Variants in ZKSCAN2 observed in about 807,000 individuals in gnomAD.
The protein encoded by ZKSCAN2 is zinc finger protein with KRAB and SCAN domains 2.
ZKSCAN2 carries 38 observed loss-of-function variants against 90.5 expected under a neutral mutation model. That is an observed-to-expected ratio of 0.42 (90% CI 0.32 to 0.55). The LOEUF (loss-of-function observed/expected upper bound fraction) is 0.55. Ranked by LOEUF, ZKSCAN2 falls within the 20% of genes least tolerant of loss-of-function variation. The pLI is 0.11. For synonymous variants in ZKSCAN2, 429 were observed against 421.6 expected, an observed-to-expected ratio of 1.02 and a Z score of -0.22; for missense variants, 1,167 against 1,202.6, an observed-to-expected ratio of 0.97 and a Z score of 0.44.
At position 25,257,662 on chromosome 16, in the gene ZKSCAN2, C is replaced by G; in HGVS notation, c.-535G>C. 4.0e-6 allele frequency: 1 copy of G among 252,026 alleles called. No individual in the cohort carries two copies. The highest frequency in any genetic ancestry group is 6.3e-6 in the Non-Finnish European group (1 of 159,688). 15.6% of individuals were successfully genotyped at this position (252,026 alleles called of 1,614,324 possible). The stretch of plus-strand genomic sequence containing the variant: ...CGGATTCCGAGAGCGGCGCCGGGCT[C>G]TTTCGGGCCCACGACGGCCCCGACC... On this transcript the variant is annotated 5_prime_UTR_variant, in exon 1 of 7. Transcript: ENST00000328086.
intron 2 of ZKSCAN2, among the ~76,000 whole-genome samples, chr16:25,254,137 A>C (rs566101490): frequency 6.6e-6 from 1 of 152,388 alleles, no homozygotes; most frequent in East Asian, 1.9e-4. Context: ...TCTGTCTCTA[A>C]AGCCTAAGCT....
In ZKSCAN2 at chr16:25,256,955, C is replaced by G; in HGVS notation, c.173G>C (p.Gly58Ala). Residue 58 changes from glycine to alanine, a missense_variant, in exon 1 of 7, where the codon GGA becomes GCA. Gly to Ala is a moderately conservative substitution (Grantham distance 60, BLOSUM62 0). Coordinates refer to ENST00000328086, the MANE Select transcript of ZKSCAN2 (RefSeq NM_001012981.5). ...FRQFCYEDVTGPHEAFSKLWE... is the reference protein window; with the variant it reads ...FRQFCYEDVTAPHEAFSKLWE... ...GAGTTTACTGAAAGCTTCATGGGGT[C>G]CAGTCACATCCTCATAACAGAATTG... 1 of 1,614,250 alleles carries G rather than the reference C, an allele frequency of 6.2e-7. No homozygotes were observed. The highest frequency in any genetic ancestry group is 8.5e-7 in the Non-Finnish European group (1 of 1,180,046).
Position 25,238,359 on chromosome 16 carries a change from C to T in ZKSCAN2, c.*1457G>A, listed in dbSNP as rs1962799696. The T allele has an allele frequency of 6.6e-6, 1 of 152,252 alleles. No homozygotes were observed. Among genetic ancestry groups the T allele is most frequent in the African/African-American group, 2.4e-5 (1 of 41,444 alleles). 9.4% of individuals were successfully genotyped at this position (152,252 alleles called of 1,614,324 possible). A position where few individuals can be genotyped will look rare whatever the true frequency, so the allele number is the denominator to read the frequency against. ...CACCTACATACTAAGGGAATAAACG[C>T]CACTGACTCCATCCTGAAGCAACTG... On this transcript the variant is annotated 3_prime_UTR_variant, in exon 7 of 7. Transcript: ENST00000328086.
Position 25,257,451 on chromosome 16 carries a change from T to C in ZKSCAN2, c.-324A>G, listed in dbSNP as rs1963125476. On this transcript the variant is annotated 5_prime_UTR_variant, in exon 1 of 7. Transcript: ENST00000328086. The stretch of plus-strand genomic sequence containing the variant: ...CGACTGGGAGAAAAATGAAGCAGGC[T>C]GAGGAAAGGCTGGGCGGAGGCGGAC... The C allele has an allele frequency of 2.9e-6, 3 of 1,049,332 alleles. No individual in the cohort carries two copies. Among genetic ancestry groups the C allele is most frequent in the Non-Finnish European group, 3.4e-6 (3 of 872,924 alleles). The allele number at this position is 1,049,332 out of a possible 1,614,324, so 65.0% of individuals were successfully genotyped here. A position where few individuals can be genotyped will look rare whatever the true frequency, so the allele number is the denominator to read the frequency against.
intron 2 of ZKSCAN2, 74 bp from the exon 3 acceptor site, chr16:25,253,111 G>GAGAC: frequency 8.6e-7 from 1 of 1,156,866 alleles, no homozygotes; most frequent in Non-Finnish European, 1.3e-6. Context: ...CTTTTTAAGA[G>GAGAC]ATGAGTATGT....
intron 5 of ZKSCAN2, among the ~76,000 whole-genome samples, chr16:25,244,725 CT>C (rs1962908682): frequency 6.6e-6 from 1 of 152,214 alleles, no homozygotes; most frequent in Non-Finnish European, 1.5e-5. Context: ...CCAATAGGAA[CT>C]TTCCCCCTCA....
chr16:25,248,282 C>CAAA (rs55673563), intron 4 of ZKSCAN2, among the ~76,000 whole-genome samples: 121 of 22,946 alleles, frequency 5.3e-3, no homozygotes, highest in East Asian at 6.8e-3. Context: ...TTCTATACAG[C>CAAA]AAAAAAAAAA....
intron 2 of ZKSCAN2, among the ~76,000 whole-genome samples, chr16:25,253,845 T>C (rs1317855871): frequency 6.6e-6 from 1 of 151,890 alleles, no homozygotes; most frequent in Non-Finnish European, 1.5e-5. Flanking sequence ...CCATCTCTAC[T>C]AAAAATACAA....
chr16:25,240,657 T>C lies in ZKSCAN2; in HGVS notation c.2063A>G (p.Glu688Gly), dbSNP rs140318360. ...KDMEQHRALIEKSKRVVSQST... is the reference protein window; with the variant it reads ...KDMEQHRALIGKSKRVVSQST... ...CTGGGAAACAACTCTTTTAGACTTTTCTATTAATGCCCTATGCTGTTCCAT... is the reference window on the plus strand; with the variant it reads ...CTGGGAAACAACTCTTTTAGACTTTCCTATTAATGCCCTATGCTGTTCCAT... Residue 688 changes from glutamate to glycine, a missense_variant, in exon 7 of 7, where the codon GAA becomes GGA. Physicochemically the swap from Glu to Gly is moderately conservative, Grantham distance 98 (BLOSUM62 -2). Transcript: ENST00000328086. The C allele has an allele frequency of 9.9e-6, 16 of 1,614,218 alleles. No individual in the cohort carries two copies. The African/African-American group carries it at 2.0e-4, about 20-fold the overall frequency.
chr16:25,251,985 A>G lies in ZKSCAN2; in HGVS notation c.729T>C (p.Ser243=), dbSNP rs1242355526. ...HVARGFSYRK[S]VHQIPAQRDL... The stretch of plus-strand genomic sequence containing the variant: ...CCCTTTGGGCAGGAATCTGATGCAC[A>G]CTCTTTCTGTAGGAAAAGCCTCTGG... Residue 243 remains serine, a synonymous_variant, in exon 4 of 7, where the codon AGT becomes AGC. Coordinates refer to ENST00000328086, the MANE Select transcript of ZKSCAN2 (RefSeq NM_001012981.5). 6.2e-7 allele frequency: 1 copy of G among 1,613,908 alleles called. No homozygotes were observed. Among genetic ancestry groups the G allele is most frequent in the East Asian group, 2.2e-5 (1 of 44,882 alleles).
Position 25,247,237 on chromosome 16 carries a change from C to T in ZKSCAN2, c.959G>A (p.Ser320Asn), listed in dbSNP as rs558961917. The change falls in exon 5 of 7, where the codon AGT (serine) becomes AAT (asparagine). Residue 320 changes from serine to asparagine, a missense_variant. Physicochemically the swap from Ser to Asn is conservative, Grantham distance 46. Coordinates refer to ENST00000328086, the MANE Select transcript of ZKSCAN2 (RefSeq NM_001012981.5). ...CTGCTCTCTCCATGTTTTTCCTGCACTCCTTGCAGGGACCTGAATAGCATG... is the reference window on the plus strand; with the variant it reads ...CTGCTCTCTCCATGTTTTTCCTGCATTCCTTGCAGGGACCTGAATAGCATG... ...SVHAIQVPARSAGKTWREQQQ... is the reference protein window; with the variant it reads ...SVHAIQVPARNAGKTWREQQQ... The T allele has an allele frequency of 2.3e-5, 37 of 1,614,212 alleles. No individual in the cohort carries two copies. In the South Asian group the frequency reaches 3.4e-4, roughly 15 times the overall value.
Position 25,239,885 on chromosome 16 carries a change from G to A in ZKSCAN2, c.2835C>T (p.His945=). Reference sequence around the variant, plus strand: ...TCTCAGGGCAATACAGAGATGGAGGGTGTGGCAGAGGCTTTTCTCTCACAT... The same window carrying A: ...TCTCAGGGCAATACAGAGATGGAGGATGTGGCAGAGGCTTTTCTCTCACAT... The part of the protein sequence containing the change: ...EVHVREKPLP[H]PPSLYCPENP... Residue 945 remains histidine, a synonymous_variant, in exon 7 of 7, where the codon CAC becomes CAT. Transcript: ENST00000328086. 6.2e-7 allele frequency: 1 copy of A among 1,614,078 alleles called. No individual in the cohort carries two copies. Among genetic ancestry groups the A allele is most frequent in the Non-Finnish European group, 8.5e-7 (1 of 1,180,004 alleles).
chr16:25,241,857 A>T (rs1285341675), intron 6 of ZKSCAN2, among the ~76,000 whole-genome samples: 1 of 152,136 alleles, frequency 6.6e-6, no homozygotes, highest in South Asian at 2.1e-4. Flanking sequence ...CTAGACACTT[A>T]AGTAAAAAGC....
chr16:25,244,344 A>G (rs1359526943), intron 5 of ZKSCAN2, 68 bp from the exon 6 acceptor site: 18 of 1,502,764 alleles, frequency 1.2e-5, no homozygotes, highest in East Asian at 2.3e-5. Context: ...TACTATATAC[A>G]TTAAGAAATG....
chr16:25,248,364 T>C (rs528640295), intron 4 of ZKSCAN2, among the ~76,000 whole-genome samples: 3 of 88,424 alleles, frequency 3.4e-5, no homozygotes, highest in African/African-American at 1.3e-4. Context: ...ATCTATGGAA[T>C]AGAAAAAAAG....
rs778745590 is a variant in ZKSCAN2 at position 25,243,948 on chromosome 16, T to C, written c.1818A>G (p.Arg606=). 18 of 1,614,150 alleles carry C rather than the reference T, an allele frequency of 1.1e-5. No individual in the cohort carries two copies. The highest frequency in any genetic ancestry group is 1.1e-4 in the South Asian group (10 of 91,082). ...EEVPSPSRQE[R]GGIEVEPQEP... ...CCTGGGGTTCAACCTCAATACCCCC[T>C]CTTTCTTGCCTTGAAGGTGATGGGA... The change falls in exon 6 of 7, where the codon AGA becomes AGG. Residue 606 remains arginine (R), a synonymous_variant. Coordinates refer to ENST00000328086, the MANE Select transcript of ZKSCAN2 (RefSeq NM_001012981.5).
Position 25,257,695 on chromosome 16 carries a change from G to C in ZKSCAN2, c.-568C>G, listed in dbSNP as rs1189952043. ...CCCACGACGGCCCCGACCGTCCTGA[G>C]GAAACCGCTGCCGCCGAGGAAAGGC... On this transcript the variant is annotated 5_prime_UTR_variant, in exon 1 of 7. Coordinates refer to ENST00000328086, the MANE Select transcript of ZKSCAN2 (RefSeq NM_001012981.5). 1 of 169,326 alleles carries C rather than the reference G, an allele frequency of 5.9e-6. No homozygotes were observed. The highest frequency in any genetic ancestry group is 2.4e-5 in the African/African-American group (1 of 41,696). The allele number at this position is 169,326 out of a possible 1,614,324, so 10.5% of individuals were successfully genotyped here. A position where few individuals can be genotyped will look rare whatever the true frequency, so the allele number is the denominator to read the frequency against.
intron 6 of ZKSCAN2, 26 bp downstream of exon 6, chr16:25,243,759 T>TAAAACTCCTTGGTCTTGCACC: frequency 6.4e-7 from 1 of 1,558,624 alleles, no homozygotes; most frequent in Non-Finnish European, 8.6e-7. Flanking sequence ...TCTTTTGGAC[T>TAAAACTCCTTGGTCTTGCACC]AAAACTCCTT....
Position 25,247,003 on chromosome 16 carries a change from T to C in ZKSCAN2, c.1193A>G (p.Lys398Arg). The C allele has an allele frequency of 6.2e-7, 1 of 1,614,204 alleles. No homozygotes were observed. The highest frequency in any genetic ancestry group is 8.5e-7 in the Non-Finnish European group (1 of 1,180,044). ...CTTTCGATAGCTTTTCTGGAGACTT[T>C]TGAACTTGGTTCGACACTGTTCTGG... is the stretch of plus-strand genomic sequence containing the variant. ...RTPEQCRTKF[K>R]SLQKSYRKVR... is the part of the protein sequence containing the mutation. Residue 398 changes from lysine (K) to arginine (R), a missense_variant, in exon 5 of 7, where the codon AAA (lysine) becomes AGA (arginine). Transcript: ENST00000328086.
Sources: gnomAD v4.1 joint callset for allele counts (sites outside exome capture counted in the v4.1 genomes callset) on GRCh38, gnomAD v4.1.1 for gene constraint, MANE v1.5 for transcripts, NCBI Gene and HGNC (gene_info 2026-07-23, HGNC 2026-07-21) for gene names.